The following NRG3 variants were observed in gnomAD, a reference collection of about 807,000 sequenced individuals.
NRG3 encodes neuregulin 3.
NRG3 carries 31 observed loss-of-function variants against 66.9 expected under a neutral mutation model. That is an observed-to-expected ratio of 0.46 (90% CI 0.35 to 0.63). The LOEUF (loss-of-function observed/expected upper bound fraction) is 0.63. Among genes scored for constraint, NRG3 ranks in the 20% least tolerant of loss-of-function variants. The probability of loss-of-function intolerance (pLI) is 0.00; values close to 1 mark genes in which losing one functional copy is unlikely to be tolerated. For synonymous variants in NRG3, 393 were observed against 359.4 expected (o/e 1.09, Z -1.06); for missense variants, 910 against 878.9 (o/e 1.04, Z -0.45).
At chr10:82,964,727 A>G (rs1285047103) in intron 6 of NRG3, among the ~76,000 whole-genome samples, 1 of 152,184 alleles carries the variant, frequency 6.6e-6, no homozygotes, top group East Asian at 1.9e-4. Context: ...GCAGAGAGAA[A>G]GACATTTAAA....
chr10:81,955,413 T>G (rs1024366717), intron 1 of NRG3, among the ~76,000 whole-genome samples: 5 of 152,022 alleles, frequency 3.3e-5, no homozygotes, highest in African/African-American at 1.2e-4. Context: ...TGCACCACTT[T>G]TGCAGAAATA....
At chr10:82,509,858 A>G (rs958828379) in intron 2 of NRG3, among the ~76,000 whole-genome samples, 3 of 151,952 alleles carry the variant, frequency 2.0e-5, no homozygotes, top group African/African-American at 7.3e-5. Flanking sequence ...ATATGCTGAC[A>G]CTCTCCACAA....
At chr10:82,282,729 A>C (rs867406156) in intron 1 of NRG3, among the ~76,000 whole-genome samples, 1 of 152,290 alleles carries the variant, frequency 6.6e-6, no homozygotes, top group Middle Eastern at 3.4e-3. Context: ...CGAGGGAGCA[A>C]GATGGGACAT....
intron 1 of NRG3, among the ~76,000 whole-genome samples, chr10:82,054,303 G>A (rs760259157): frequency 2.0e-5 from 3 of 152,188 alleles, no homozygotes; most frequent in Non-Finnish European, 2.9e-5. Context: ...GAGATATTGA[G>A]AAGTGGCTGG....
At chr10:82,728,490 G>A (rs1007109280) in intron 2 of NRG3, among the ~76,000 whole-genome samples, 7 of 152,154 alleles carry the variant, frequency 4.6e-5, no homozygotes, top group African/African-American at 1.2e-4. Context: ...TGTAAGATGC[G>A]ACTTGTTCCT....
chr10:81,884,792 A>T (rs1842483925), intron 1 of NRG3, among the ~76,000 whole-genome samples: 2 of 152,140 alleles, frequency 1.3e-5, no homozygotes, highest in South Asian at 4.1e-4. Flanking sequence ...TGTACAAAAA[A>T]TTGTACATAT....
At chr10:82,528,709 C>G (rs969961811) in intron 2 of NRG3, among the ~76,000 whole-genome samples, 2 of 152,022 alleles carry the variant, frequency 1.3e-5, no homozygotes, top group Admixed American at 1.3e-4. Flanking sequence ...ATTTTTCCAG[C>G]ATTTCTGAGC....
intron 2 of NRG3, among the ~76,000 whole-genome samples, chr10:82,426,265 C>T (rs770752222): frequency 1.3e-5 from 2 of 152,072 alleles, no homozygotes; most frequent in Admixed American, 6.6e-5. Context: ...TGAGGGCTCC[C>T]GCTAAAGCTG....
intron 2 of NRG3, among the ~76,000 whole-genome samples, chr10:82,713,668 C>T (rs1206295640): frequency 1.3e-5 from 2 of 152,122 alleles, no homozygotes; most frequent in Non-Finnish European, 2.9e-5. Flanking sequence ...ATACATGGGA[C>T]TTGGTATTTT....
chr10:82,860,122 A>G (rs747401949), intron 3 of NRG3, among the ~76,000 whole-genome samples: 4 of 152,178 alleles, frequency 2.6e-5, no homozygotes, highest in Non-Finnish European at 5.9e-5. Context: ...AATAACTTCA[A>G]CTAGGCCAGC....
Position 82,102,383 on chromosome 10 carries a change from A to T in NRG3, c.823+226220A>T, listed in dbSNP as rs547727440. Among the ~76,000 whole-genome samples the T allele has an allele frequency of 6.0e-4, 91 of 150,662 alleles. 1 individual carries two copies. The highest frequency in any genetic ancestry group is 2.1e-3 in the African/African-American group (85 of 41,188). ...AAAGTGCATTTCTTGAAGTCATTGC[A>T]TAGTAGGGCCTTTTTTTAATGAAAT... On this transcript the variant is annotated intron_variant, in intron 1 of 8. Transcript: ENST00000372141.
intron 1 of NRG3, among the ~76,000 whole-genome samples, chr10:81,980,364 A>G (rs1357604814): frequency 6.6e-6 from 1 of 152,206 alleles, no homozygotes; most frequent in Non-Finnish European, 1.5e-5. Context: ...GTATTATTAT[A>G]TCTGTAATGC....
intron 4 of NRG3, among the ~76,000 whole-genome samples, chr10:82,891,455 A>G (rs1418252776): frequency 1.3e-5 from 2 of 151,902 alleles, no homozygotes; most frequent in Admixed American, 6.6e-5. Context: ...ATCTTCTTTC[A>G]TTTCCCTCAA....
intron 1 of NRG3, among the ~76,000 whole-genome samples, chr10:82,060,988 G>A (rs1057459073): frequency 2.0e-5 from 3 of 152,188 alleles, no homozygotes; most frequent in African/African-American, 7.2e-5. Context: ...CACTTCCTAT[G>A]TTTGCAATCT....
intron 2 of NRG3, among the ~76,000 whole-genome samples, chr10:82,437,432 T>C (rs1312429804): frequency 1.3e-5 from 2 of 152,032 alleles, no homozygotes; most frequent in Admixed American, 6.6e-5. Context: ...AGTTAGCAAT[T>C]CCTCTAACCT....
intron 2 of NRG3, among the ~76,000 whole-genome samples, chr10:82,571,083 A>G (rs1304623265): frequency 6.6e-6 from 1 of 151,566 alleles, no homozygotes; most frequent in Non-Finnish European, 1.5e-5. Context: ...ACATAGGTAT[A>G]TATATTTTAG....
chr10:82,974,005 G>A (rs571048021), intron 7 of NRG3, 90 bp downstream of exon 7: 2 of 1,439,528 alleles, frequency 1.4e-6, no homozygotes, highest in Non-Finnish European at 1.9e-6. Context: ...CATGACTTAG[G>A]AGAGACAACT....
chr10:82,887,156 C>G (rs1842792658), intron 4 of NRG3, among the ~76,000 whole-genome samples: 1 of 152,174 alleles, frequency 6.6e-6, no homozygotes, highest in African/African-American at 2.4e-5. Context: ...TAAGCTCCTA[C>G]TACCGTGCTG....
intron 1 of NRG3, among the ~76,000 whole-genome samples, chr10:82,067,560 C>G (rs1456212627): frequency 3.3e-5 from 5 of 152,186 alleles, no homozygotes; most frequent in African/African-American, 1.2e-4. Flanking sequence ...GTTGGCCAGG[C>G]TGGTCTCAAA....
Sources: gnomAD v4.1 joint callset for allele counts (sites outside exome capture counted in the v4.1 genomes callset) on GRCh38, gnomAD v4.1.1 for gene constraint, MANE v1.5 for transcripts, NCBI Gene and HGNC (gene_info 2026-07-23, HGNC 2026-07-21) for gene names.